Variants in ATG4B observed in about 807,000 individuals in gnomAD.
ATG4B encodes autophagy related 4B cysteine peptidase.
A neutral mutation model predicts 56.6 loss-of-function variants in ATG4B; 29 were observed. The observed-to-expected ratio is 0.51, with a 90% CI of 0.38 to 0.70. The LOEUF (loss-of-function observed/expected upper bound fraction) is 0.70. Ranked by LOEUF, ATG4B falls within the 30% of genes least tolerant of loss-of-function variation. The pLI, the probability that ATG4B is intolerant of heterozygous loss-of-function variation, is 0.00. For synonymous variants in ATG4B, 224 were observed against 206.1 expected (o/e 1.09, Z -0.74); for missense variants, 461 against 515.5 (o/e 0.89, Z 1.02).
rs569543727 is a variant in ATG4B, at chr2:241,671,402, C to T, written c.1105C>T (p.Leu369=). Residue 369 remains leucine, a synonymous_variant, in exon 12 of 13, where the codon CTA becomes TTA. Coordinates refer to ENST00000404914, the MANE Select transcript of ATG4B (RefSeq NM_013325.5). ...CTGCCCCGACGTCCTGAACCTGTCC[C>T]TAGGTGAGAGCTGCCAAGTCCAGGT... ...LACPDVLNLS[L]DSSDVERLER... 5.0e-4 allele frequency: 808 copies of T among 1,613,548 alleles called. 9 individuals are homozygous for T. The South Asian group carries it at 8.4e-3, about 17-fold the overall frequency.
rs139741821 is a variant in ATG4B, at chr2:241,663,794, A to G, written c.539-2851A>G. Reference sequence around the variant, plus strand: ...CCAGGAATTCAAGACCAGCCTGGGCAACATAGCCAGACGTCTATTTTTTTT... The same window carrying G: ...CCAGGAATTCAAGACCAGCCTGGGCGACATAGCCAGACGTCTATTTTTTTT... On this transcript the variant is annotated intron_variant, in intron 7 of 12. Coordinates refer to ENST00000404914, the MANE Select transcript of ATG4B (RefSeq NM_013325.5). Among the ~76,000 whole-genome samples, 982 of 151,738 alleles carry G rather than the reference A, an allele frequency of 6.5e-3. 5 individuals are homozygous for G. Among genetic ancestry groups the G allele is most frequent in the Middle Eastern group, 0.017 (5 of 292 alleles).
At position 241,651,911 on chromosome 2, in the gene ATG4B, G is replaced by T; in HGVS notation, c.184+576G>T. On this transcript the variant is annotated intron_variant, in intron 3 of 12. Transcript: ENST00000404914. This position sits in a 1 kb window ranked among gnomAD's most constrained non-coding sequence, Gnocchi z 4.1. ...ATTCATCATTGTTGTATACCCTGGA[G>T]CTGGAAGGAGATGGGGACTGGTTCT... 3 of 1,304,130 alleles carry T rather than the reference G, an allele frequency of 2.3e-6. No homozygotes were observed. The highest frequency in any genetic ancestry group is 3.0e-6 in the Non-Finnish European group (3 of 988,808). The allele number at this position is 1,304,130 out of a possible 1,614,324, so 80.8% of individuals were successfully genotyped here. A position where few individuals can be genotyped will look rare whatever the true frequency, so the allele number is the denominator to read the frequency against.
intron 5 of ATG4B, chr2:241,655,061 C>G (rs938089340): frequency 1.7e-6 from 1 of 596,654 alleles, no homozygotes; most frequent in Admixed American, 3.0e-5. Flanking sequence ...TTCATTTCCC[C>G]TCCTTTTCTA....
intron 1 of ATG4B, chr2:241,638,234 T>A (rs931686427): frequency 6.6e-6 from 1 of 152,304 alleles, no homozygotes; most frequent in Non-Finnish European, 1.5e-5. Context: ...AGTATACGTA[T>A]CTTTTTTGTT....
intron 1 of ATG4B, among the ~76,000 whole-genome samples, chr2:241,642,256 C>T (rs908956921): frequency 1.2e-4 from 18 of 149,816 alleles, no homozygotes; most frequent in African/African-American, 2.9e-4. Context: ...TTTTAATGTG[C>T]GCAATCTGCC....
At chr2:241,652,632 G>A (rs1413631143) in intron 3 of ATG4B, among the ~76,000 whole-genome samples, 2 of 152,164 alleles carry the variant, frequency 1.3e-5, no homozygotes, top group Admixed American at 1.3e-4. Context: ...GAGTGTCTGG[G>A]ACTACAGGTG....
rs199556345 is a variant in ATG4B at position 241,666,704 on chromosome 2, G to A, written c.598G>A (p.Asp200Asn). 278 of 1,613,042 alleles carry A rather than the reference G, an allele frequency of 1.7e-4. No homozygotes were observed. The highest frequency in any genetic ancestry group is 1.7e-4 in the Admixed American group (10 of 59,896). Residue 200 changes from aspartate to asparagine, a missense_variant, in exon 8 of 13, where the codon GAC becomes AAC. Asp to Asn is a conservative substitution (Grantham distance 23). Coordinates refer to ENST00000404914, the MANE Select transcript of ATG4B (RefSeq NM_013325.5). ...CGCCACTGCGTTTCCTGCAGATTCCGACCGGCACTGCAACGGATTCCCTGC... is the reference window on the plus strand; with the variant it reads ...CGCCACTGCGTTTCCTGCAGATTCCAACCGGCACTGCAACGGATTCCCTGC... ...AGATAFPADS[D>N]RHCNGFPAGA...
chr2:241,649,758 CTTTT>C (rs1181106900), intron 1 of ATG4B, among the ~76,000 whole-genome samples: 1 of 149,824 alleles, frequency 6.7e-6, no homozygotes, highest in Non-Finnish European at 1.5e-5. Flanking sequence ...TTCTTTCTTT[CTTTT>C]TTTTCTTTTT....
chr2:241,666,183 C>G (rs899435756), intron 7 of ATG4B, among the ~76,000 whole-genome samples: 3 of 152,226 alleles, frequency 2.0e-5, no homozygotes, highest in Non-Finnish European at 4.4e-5. Context: ...AGTGTCTTCT[C>G]CCATCACCGC....
chr2:241,649,140 C>T (rs1304448173), intron 1 of ATG4B, among the ~76,000 whole-genome samples: 1 of 152,208 alleles, frequency 6.6e-6, no homozygotes, highest in Non-Finnish European at 1.5e-5. Flanking sequence ...CCAAGCTGGG[C>T]TTTAAATTCT....
intron 1 of ATG4B, among the ~76,000 whole-genome samples, chr2:241,649,784 CTTT>C (rs111624909): frequency 2.9e-5 from 4 of 137,480 alleles, no homozygotes; most frequent in Admixed American, 7.4e-5. Flanking sequence ...TTTTCTTTTT[CTTT>C]TTTTTTTTTT....
intron 7 of ATG4B, among the ~76,000 whole-genome samples, chr2:241,661,506 T>C (rs1293162060): frequency 6.6e-6 from 1 of 152,116 alleles, no homozygotes; most frequent in Non-Finnish European, 1.5e-5. Flanking sequence ...GAGGAAGAAG[T>C]CCGCAAAGCC....
intron 3 of ATG4B, chr2:241,653,191 G>C (rs1339675822): frequency 1.4e-6 from 1 of 717,094 alleles, no homozygotes; most frequent in Non-Finnish European, 2.4e-6. Context: ...AAAATGCGTT[G>C]TTTTGTTTAA....
At chr2:241,671,427 T>G in intron 12 of ATG4B, 22 bp downstream of exon 12, 1 of 1,612,570 alleles carries the variant, frequency 6.2e-7, no homozygotes, top group Non-Finnish European at 8.5e-7. Context: ...CAAGTCCAGG[T>G]GGGGTCCCTC....
chr2:241,650,874 G>A lies in ATG4B; in HGVS notation c.11-136G>A, dbSNP rs757048496. The A allele has an allele frequency of 2.8e-5, 20 of 716,910 alleles. No individual in the cohort carries two copies. The Admixed American group carries it at 4.9e-4, about 17-fold the overall frequency. The allele number at this position is 716,910 out of a possible 1,614,324, so 44.4% of individuals were successfully genotyped here. Reference sequence around the variant, plus strand: ...ATGGTGGGTGTCTTGGTAGGCCCGAGATACGAGAGGGAGTGCTGCTGTTAC... The same window carrying A: ...ATGGTGGGTGTCTTGGTAGGCCCGAAATACGAGAGGGAGTGCTGCTGTTAC... On this transcript the variant is annotated intron_variant, in intron 1 of 12. Coordinates refer to ENST00000404914, the MANE Select transcript of ATG4B (RefSeq NM_013325.5).
At chr2:241,643,586 G>C (rs1485917637) in intron 1 of ATG4B, among the ~76,000 whole-genome samples, 4 of 147,592 alleles carry the variant, frequency 2.7e-5, no homozygotes, top group African/African-American at 7.5e-5. Flanking sequence ...ATGTATATAT[G>C]TACATATATA....
At chr2:241,658,829 C>T (rs1438605772) in intron 6 of ATG4B, among the ~76,000 whole-genome samples, 1 of 152,198 alleles carries the variant, frequency 6.6e-6, no homozygotes, top group African/African-American at 2.4e-5. Context: ...GCCAGTGAGA[C>T]CAGAAAACCA....
chr2:241,667,194 C>T (rs2125144804), intron 8 of ATG4B, among the ~76,000 whole-genome samples: 1 of 152,312 alleles, frequency 6.6e-6, no homozygotes, highest in African/African-American at 2.4e-5. Flanking sequence ...CCACAGCCCT[C>T]TTGGCCTGAG....
chr2:241,661,482 AAGGG>A (rs2068592080), intron 7 of ATG4B, among the ~76,000 whole-genome samples: 1 of 152,178 alleles, frequency 6.6e-6, no homozygotes, highest in Admixed American at 6.6e-5. Flanking sequence ...AAGAGTGCGC[AAGGG>A]AGGACGTCTG....
Sources: gnomAD v4.1 joint callset for allele counts (sites outside exome capture counted in the v4.1 genomes callset) on GRCh38, gnomAD v4.1.1 for gene constraint, Gnocchi (gnomAD v3.1) non-coding constraint, MANE v1.5 for transcripts, NCBI Gene and HGNC (gene_info 2026-07-23, HGNC 2026-07-21) for gene names.